VSTM2A: variants seen among roughly 807,000 people sequenced by gnomAD.
VSTM2A encodes the protein V-set and transmembrane domain-containing protein 2A.
In VSTM2A, 13 loss-of-function variants were observed where a neutral mutation model predicts 27.3. The ratio of observed to expected loss-of-function variants is 0.48; its 90% CI spans 0.31 to 0.76. The LOEUF is 0.76. Among genes scored for constraint, VSTM2A ranks in the 30% least tolerant of loss-of-function variants. The probability of loss-of-function intolerance (pLI) is 0.05; values close to 1 mark genes in which losing one functional copy is unlikely to be tolerated. For synonymous variants in VSTM2A, 142 were observed against 125.7 expected, an observed-to-expected ratio of 1.13 and a Z score of -0.87; for missense variants, 280 against 310.0, an observed-to-expected ratio of 0.90 and a Z score of 0.73.
chr7:54,547,107 T>C, intron 3 of VSTM2A, 110 bp downstream of exon 3: 1 of 1,316,938 alleles, frequency 7.6e-7, no homozygotes, highest in South Asian at 1.5e-5. Flanking sequence ...GACAGCCGGG[T>C]GCCCCTTGCT....
At chr7:54,566,196 T>A (rs1266132656) in intron 4 of VSTM2A, among the ~76,000 whole-genome samples, 3 of 152,214 alleles carry the variant, frequency 2.0e-5, no homozygotes, top group Non-Finnish European at 4.4e-5. Context: ...AACCTCTAGG[T>A]CCCATTAGGC....
At chr7:54,542,924 A>C in intron 1 of VSTM2A, 115 bp downstream of exon 1, 1 of 965,032 alleles carries the variant, frequency 1.0e-6, no homozygotes, top group Non-Finnish European at 1.6e-6. Context: ...CAGTGGGCTT[A>C]GGCTGTATAA....
At chr7:54,546,486 C>G (rs559156839) in intron 2 of VSTM2A, among the ~76,000 whole-genome samples, 1 of 151,650 alleles carries the variant, frequency 6.6e-6, no homozygotes, top group Non-Finnish European at 1.5e-5. Context: ...GAAAATTCGT[C>G]CCGGAGCACT....
chr7:54,544,490 G>A (rs1787877631), intron 1 of VSTM2A, 132 bp from the exon 2 acceptor site: 4 of 1,145,796 alleles, frequency 3.5e-6, no homozygotes, highest in Middle Eastern at 1.9e-4. Flanking sequence ...GGGGGAACCA[G>A]ACGAAGCCGA....
intron 4 of VSTM2A, chr7:54,553,885 A>C: frequency 6.4e-7 from 1 of 1,551,176 alleles, no homozygotes; most frequent in Non-Finnish European, 8.7e-7. Flanking sequence ...ATCCTTCCAG[A>C]AGTCAAACAT....
At chr7:54,564,060 G>A (rs1452138428) in intron 4 of VSTM2A, among the ~76,000 whole-genome samples, 2 of 152,090 alleles carry the variant, frequency 1.3e-5, no homozygotes, top group African/African-American at 2.4e-5. Flanking sequence ...TCTGAAGCTG[G>A]CATCTGTAAT....
intron 4 of VSTM2A, among the ~76,000 whole-genome samples, chr7:54,568,039 A>C (rs774091100): frequency 2.0e-5 from 3 of 152,174 alleles, no homozygotes. Context: ...CTGTGAGGAG[A>C]TACTGTATAC....
At chr7:54,547,400 A>G (rs533381755) in intron 3 of VSTM2A, among the ~76,000 whole-genome samples, 22 of 152,246 alleles carry the variant, frequency 1.4e-4, no homozygotes, top group Non-Finnish European at 2.9e-4. Flanking sequence ...CCAACAGGAT[A>G]CTGAAATTGT....
At chr7:54,547,956 A>T (rs1392570293) in intron 3 of VSTM2A, among the ~76,000 whole-genome samples, 1 of 152,190 alleles carries the variant, frequency 6.6e-6, no homozygotes, top group Non-Finnish European at 1.5e-5. Context: ...AATGACAAAG[A>T]TGAAATATCA....
intron 4 of VSTM2A, chr7:54,559,813 T>C (rs1788493694): frequency 6.6e-6 from 1 of 152,114 alleles, no homozygotes; most frequent in Admixed American, 6.5e-5. Flanking sequence ...CAAAGAATGT[T>C]TGGAGACATT....
intron 4 of VSTM2A, 68 bp downstream of exon 4, chr7:54,550,238 T>A: frequency 6.5e-7 from 1 of 1,544,380 alleles, no homozygotes; most frequent in Non-Finnish European, 8.7e-7. Context: ...GTCAGTCGTA[T>A]AGAGTAGACA....
At chr7:54,544,207 A>C (rs1787869155) in intron 1 of VSTM2A, among the ~76,000 whole-genome samples, 1 of 152,246 alleles carries the variant, frequency 6.6e-6, no homozygotes, top group African/African-American at 2.4e-5. Context: ...TGAAACATCC[A>C]GTTAGTGGTA....
At chr7:54,554,654 G>A (rs1471143845) in intron 4 of VSTM2A, among the ~76,000 whole-genome samples, 1 of 152,196 alleles carries the variant, frequency 6.6e-6, no homozygotes, top group African/African-American at 2.4e-5. Context: ...GGGGCTGGCA[G>A]CACCTGCTGA....
At chr7:54,565,868 CT>C (rs550869425) in intron 4 of VSTM2A, among the ~76,000 whole-genome samples, 9 of 152,298 alleles carry the variant, frequency 5.9e-5, no homozygotes, top group Admixed American at 5.2e-4. Flanking sequence ...CTTGGCTGGG[CT>C]TTCATTTGTC....
In VSTM2A at chr7:54,544,671, T is replaced by A. The variant is rs760997676; in HGVS notation, c.129T>A (p.Asn43Lys). The A allele has an allele frequency of 6.2e-7, 1 of 1,612,954 alleles. No homozygotes were observed. The highest frequency in any genetic ancestry group is 1.1e-5 in the South Asian group (1 of 91,086). Reference sequence around the variant, plus strand: ...ACGTGACGGCGACCGAGGGGCAGAATGTGGAGATGTCCTGCGCCTTCCAGA... The same window carrying A: ...ACGTGACGGCGACCGAGGGGCAGAAAGTGGAGATGTCCTGCGCCTTCCAGA... ...PRNVTATEGQ[N>K]VEMSCAFQSG... Residue 43 changes from asparagine to lysine, a missense_variant, in exon 2 of 5, where the codon AAT becomes AAA. Transcript: ENST00000402613.
chr7:54,542,709 G>GTGAC lies in VSTM2A; in HGVS notation c.-21_-18dup, dbSNP rs1162410237. On this transcript the variant is annotated 5_prime_UTR_variant, in exon 1 of 5. Transcript: ENST00000402613. ...CTTTTCGGCTGTTGGCTACACTGAT[G>GTGAC]TGACCCCCCTCCCTTTTTGGAATGA... 2 of 1,611,904 alleles carry GTGAC rather than the reference G, an allele frequency of 1.2e-6. No homozygotes were observed. Among genetic ancestry groups the GTGAC allele is most frequent in the East Asian group, 4.5e-5 (2 of 44,862 alleles).
chr7:54,544,256 T>G (rs188465071), intron 1 of VSTM2A, among the ~76,000 whole-genome samples: 224 of 152,302 alleles, frequency 1.5e-3, no homozygotes, highest in Admixed American at 3.0e-3. Flanking sequence ...CTCTCCTCAT[T>G]TATCAACTTG....
At position 54,570,852 on chromosome 7, in the gene VSTM2A, C is replaced by T. The variant is rs781629870; in HGVS notation, c.*1633C>T. 1 of 152,144 alleles carries T rather than the reference C, an allele frequency of 6.6e-6. No individual in the cohort carries two copies. Among genetic ancestry groups the T allele is most frequent in the Non-Finnish European group, 1.5e-5 (1 of 68,010 alleles). The allele number at this position is 152,144 out of a possible 1,614,324, so 9.4% of individuals were successfully genotyped here. A position where few individuals can be genotyped will look rare whatever the true frequency, so the allele number is the denominator to read the frequency against. ...CAGCTCCCAGCCTAAGGTCCTATAA[C>T]CCGAAGCTTGAAGGCAATCAGTACC... On this transcript the variant is annotated 3_prime_UTR_variant, in exon 5 of 5. Transcript: ENST00000402613.
In VSTM2A at chr7:54,544,666, C is replaced by A; in HGVS notation, c.124C>A (p.Gln42Lys). Residue 42 changes from glutamine to lysine, a missense_variant, in exon 2 of 5, where the codon CAG becomes AAG. Transcript: ENST00000402613. The stretch of plus-strand genomic sequence containing the variant: ...GCGGAACGTGACGGCGACCGAGGGG[C>A]AGAATGTGGAGATGTCCTGCGCCTT... ...FPRNVTATEG[Q>K]NVEMSCAFQS... 1 of 1,613,008 alleles carries A rather than the reference C, an allele frequency of 6.2e-7. No individual in the cohort carries two copies. Among genetic ancestry groups the A allele is most frequent in the Non-Finnish European group, 8.5e-7 (1 of 1,179,868 alleles).
Sources: allele counts gnomAD v4.1 joint callset (sites outside exome capture counted in the v4.1 genomes callset), GRCh38; gene constraint gnomAD v4.1.1; transcripts MANE v1.5; gene names NCBI Gene and HGNC (gene_info 2026-07-23, HGNC 2026-07-21).